Variants in NR3C2 observed in about 807,000 individuals in gnomAD.
NR3C2 encodes nuclear receptor subfamily 3 group C member 2, also known as mineralocorticoid receptor.
A neutral mutation model predicts 86.4 loss-of-function variants in NR3C2; 15 were observed. The ratio of observed to expected loss-of-function variants is 0.17; its 90% CI spans 0.12 to 0.27. The LOEUF (loss-of-function observed/expected upper bound fraction) is 0.27. Ranked by LOEUF, NR3C2 falls within the 10% of genes least tolerant of loss-of-function variation. NR3C2 has a pLI of 1.00. For synonymous variants in NR3C2, 458 were observed against 450.5 expected, an observed-to-expected ratio of 1.02 and a Z score of -0.21; for missense variants, 960 against 1,195.6, an observed-to-expected ratio of 0.80 and a Z score of 2.91.
At chr4:148,324,157 C>A (rs1743817986) in intron 2 of NR3C2, among the ~76,000 whole-genome samples, 1 of 152,138 alleles carries the variant, frequency 6.6e-6, no homozygotes, top group Admixed American at 6.5e-5. Context: ...GACTATACAT[C>A]CTTAACTGGA....
At chr4:148,324,199 A>G (rs1221668509) in intron 2 of NR3C2, among the ~76,000 whole-genome samples, 1 of 152,230 alleles carries the variant, frequency 6.6e-6, no homozygotes, top group Non-Finnish European at 1.5e-5. Context: ...TAGATTCCAT[A>G]TATAAATAAG....
chr4:148,113,246 A>G (rs893680531), intron 8 of NR3C2, among the ~76,000 whole-genome samples: 2 of 152,234 alleles, frequency 1.3e-5, no homozygotes, highest in Non-Finnish European at 2.9e-5. Context: ...TAATGAATAT[A>G]AGACTCAAAA....
chr4:148,334,894 T>C lies in NR3C2; in HGVS notation c.1758-74777A>G, dbSNP rs557478652. Among the ~76,000 whole-genome samples the C allele has an allele frequency of 3.3e-5, 5 of 152,312 alleles. No individual in the cohort carries two copies. The Middle Eastern group carries it at 0.014, about 414-fold the overall frequency. On this transcript the variant is annotated intron_variant, in intron 2 of 8. Coordinates refer to ENST00000358102, the MANE Select transcript of NR3C2 (RefSeq NM_000901.5). ...TGCCCCCTGCTTCTCTCCTCGCTTC[T>C]GGTGTTCTGTGGCAATCTTTAGCCT...
chr4:148,326,789 T>C (rs957134723), intron 2 of NR3C2, among the ~76,000 whole-genome samples: 5 of 152,190 alleles, frequency 3.3e-5, no homozygotes, highest in African/African-American at 9.6e-5. Flanking sequence ...CTTCCTTTCA[T>C]GAAGGAAGCT....
At chr4:148,443,278 AAG>A (rs1236228037), upstream of NR3C2, among the ~76,000 whole-genome samples, 9 of 150,178 alleles carry the variant, frequency 6.0e-5, no homozygotes, top group South Asian at 2.1e-4. Context: ...AGATAAATGA[AAG>A]AAGTGGCAGG....
intron 2 of NR3C2, among the ~76,000 whole-genome samples, chr4:148,388,803 C>T (rs1391651000): frequency 6.6e-6 from 1 of 152,158 alleles, no homozygotes; most frequent in Non-Finnish European, 1.5e-5. Context: ...AGTCGCAAGG[C>T]TTGCAGAAGA....
chr4:148,114,610 G>A (rs1732191005), intron 7 of NR3C2, among the ~76,000 whole-genome samples: 1 of 152,178 alleles, frequency 6.6e-6, no homozygotes, highest in Non-Finnish European at 1.5e-5. Context: ...GGCAGAGAAG[G>A]GGTGGTATTC....
At chr4:148,239,184 TGG>T (rs766947550) in intron 3 of NR3C2, among the ~76,000 whole-genome samples, 97 of 152,328 alleles carry the variant, frequency 6.4e-4, no homozygotes, top group Admixed American at 1.7e-3. Context: ...GTGTGAATGC[TGG>T]GTGGGCTCAT....
chr4:148,347,449 G>A (rs186432964), intron 2 of NR3C2, among the ~76,000 whole-genome samples: 126 of 152,078 alleles, frequency 8.3e-4, no homozygotes, highest in Middle Eastern at 6.8e-3. Flanking sequence ...ATTGGGTCAC[G>A]TTCGCTTACC....
intron 2 of NR3C2, among the ~76,000 whole-genome samples, chr4:148,428,430 G>A (rs1431991069): frequency 6.6e-6 from 1 of 152,148 alleles, no homozygotes; most frequent in Non-Finnish European, 1.5e-5. Flanking sequence ...AACTATCCCA[G>A]ACTAAAGAGA....
At chr4:148,273,891 G>A (rs377107164) in intron 2 of NR3C2, among the ~76,000 whole-genome samples, 1 of 152,190 alleles carries the variant, frequency 6.6e-6, no homozygotes, top group Non-Finnish European at 1.5e-5. Context: ...TCACGCTGTG[G>A]AGCAAGAGAT....
intron 2 of NR3C2, among the ~76,000 whole-genome samples, chr4:148,278,375 C>T (rs1010894758): frequency 6.6e-6 from 1 of 152,182 alleles, no homozygotes; most frequent in African/African-American, 2.4e-5. Context: ...GCTAGGATTA[C>T]AGGTGTGAGC....
chr4:148,195,473 A>G (rs1393118361), intron 3 of NR3C2, among the ~76,000 whole-genome samples: 1 of 152,242 alleles, frequency 6.6e-6, no homozygotes, highest in Non-Finnish European at 1.5e-5. Flanking sequence ...ACTAGGCACT[A>G]CTAGAGGCAC....
At chr4:148,438,614 AC>A (rs1560739267) in intron 1 of NR3C2, among the ~76,000 whole-genome samples, 1 of 152,176 alleles carries the variant, frequency 6.6e-6, no homozygotes, top group Non-Finnish European at 1.5e-5. Flanking sequence ...TTAAAAAAAA[AC>A]AAAAAACACG....
At chr4:148,233,360 C>T in intron 3 of NR3C2, among the ~76,000 whole-genome samples, 2 of 39,618 alleles carry the variant, frequency 5.0e-5, no homozygotes, top group Admixed American at 4.2e-4. Flanking sequence ...GGAATAATTT[C>T]TTTAGGTTTT....
intron 2 of NR3C2, among the ~76,000 whole-genome samples, chr4:148,373,132 G>C (rs1200350438): frequency 6.6e-6 from 1 of 152,146 alleles, no homozygotes. Context: ...CTTTCTAAGG[G>C]AAGCCAAGTT....
chr4:148,211,248 G>A (rs1423507651), intron 3 of NR3C2, among the ~76,000 whole-genome samples: 1 of 152,224 alleles, frequency 6.6e-6, no homozygotes, highest in Non-Finnish European at 1.5e-5. Context: ...AAGTACTCCA[G>A]GAGATAAATA....
chr4:148,143,778 T>C (rs1733729311), intron 6 of NR3C2, among the ~76,000 whole-genome samples: 1 of 151,072 alleles, frequency 6.6e-6, no homozygotes, highest in Non-Finnish European at 1.5e-5. Context: ...AAACCCCATC[T>C]CTACTAAAAA....
chr4:148,306,478 C>G (rs1742633228), intron 2 of NR3C2, among the ~76,000 whole-genome samples: 1 of 152,202 alleles, frequency 6.6e-6, no homozygotes, highest in Admixed American at 6.5e-5. Flanking sequence ...AAATACTAAA[C>G]TACCACCAAC....
Sources: allele counts gnomAD v4.1 joint callset (sites outside exome capture counted in the v4.1 genomes callset), GRCh38; gene constraint gnomAD v4.1.1; transcripts MANE v1.5; gene names NCBI Gene and HGNC (gene_info 2026-07-23, HGNC 2026-07-21).